CHN2: variants seen among roughly 807,000 people sequenced by gnomAD.
CHN2 encodes beta-chimaerin.
In CHN2, 35 loss-of-function variants were observed where a neutral mutation model predicts 56.3. The observed-to-expected ratio is 0.62, with a 90% CI of 0.47 to 0.82. The LOEUF (loss-of-function observed/expected upper bound fraction) is 0.82. Ranked by LOEUF, CHN2 falls within the 40% of genes least tolerant of loss-of-function variation. The pLI, the probability that CHN2 is intolerant of heterozygous loss-of-function variation, is 0.00. For synonymous variants in CHN2, 210 were observed against 212.8 expected (o/e 0.99, Z 0.12); for missense variants, 491 against 580.5 (o/e 0.85, Z 1.58).
At chr7:29,204,063 CTCTCTGTGTGTGTG>C (rs1784346251) in intron 1 of CHN2, among the ~76,000 whole-genome samples, 2 of 108,830 alleles carry the variant, frequency 1.8e-5, no homozygotes, top group African/African-American at 8.6e-5. Flanking sequence ...GTTTTTCTCT[CTCTCTGTGTGTGTG>C]TGTGTGTGTG....
At chr7:29,345,454 C>T (rs941008105) in intron 1 of CHN2, among the ~76,000 whole-genome samples, 10 of 152,088 alleles carry the variant, frequency 6.6e-5, no homozygotes, top group African/African-American at 1.4e-4. Context: ...AGAGCATTTA[C>T]GCTGAGATCC....
chr7:29,507,215 G>C lies in CHN2; in HGVS notation c.992-13G>C. The C allele has an allele frequency of 6.3e-7, 1 of 1,595,406 alleles. No homozygotes were observed. The highest frequency in any genetic ancestry group is 8.5e-7 in the Non-Finnish European group (1 of 1,173,790). On this transcript the variant is annotated splice_polypyrimidine_tract_variant and intron_variant, in intron 10 of 12. Transcript: ENST00000222792. ...GGTCCTAATTAGGACTTGGATCACT[G>C]ATTGTTTTTCAGATGGTGAAAAGGC...
intron 1 of CHN2, among the ~76,000 whole-genome samples, chr7:29,212,108 A>T (rs1164075658): frequency 1.3e-5 from 2 of 152,180 alleles, no homozygotes; most frequent in Non-Finnish European, 2.9e-5. Flanking sequence ...CTTTTTTAAA[A>T]AAAGAATGCT....
chr7:29,418,328 G>T (rs748672742), intron 6 of CHN2, among the ~76,000 whole-genome samples: 1 of 152,254 alleles, frequency 6.6e-6, no homozygotes, highest in Non-Finnish European at 1.5e-5. Flanking sequence ...GAAGCGCGGG[G>T]AGGAGGCATG....
At chr7:29,440,938 T>C (rs1322871309) in intron 6 of CHN2, among the ~76,000 whole-genome samples, 1 of 152,202 alleles carries the variant, frequency 6.6e-6, no homozygotes, top group Non-Finnish European at 1.5e-5. Context: ...TGACAAATTA[T>C]AGTTGTATAT....
At chr7:29,470,504 T>C (rs1785932330) in intron 6 of CHN2, among the ~76,000 whole-genome samples, 1 of 152,356 alleles carries the variant, frequency 6.6e-6, no homozygotes, top group African/African-American at 2.4e-5. Flanking sequence ...CATAGGTATC[T>C]TGGTTGTTTT....
chr7:29,331,202 G>T (rs1383927979), intron 1 of CHN2, among the ~76,000 whole-genome samples: 1 of 152,216 alleles, frequency 6.6e-6, no homozygotes, highest in Non-Finnish European at 1.5e-5. Context: ...AAGGCCCTGT[G>T]GGGACAGAAG....
chr7:29,195,649 T>TGTGAGAGA (rs1554358914), intron 1 of CHN2, among the ~76,000 whole-genome samples: 1 of 130,642 alleles, frequency 7.7e-6, no homozygotes, highest in East Asian at 2.3e-4. Flanking sequence ...TGTGTGTGTG[T>TGTGAGAGA]GAGAGAGAGA....
At chr7:29,376,347 C>T (rs921355848) in intron 3 of CHN2, 2 of 152,146 alleles carry the variant, frequency 1.3e-5, no homozygotes, top group Admixed American at 1.3e-4. Context: ...GGAAATGAGA[C>T]AGGAAGCACA....
chr7:29,343,520 A>G (rs550859376), intron 1 of CHN2, among the ~76,000 whole-genome samples: 146 of 152,006 alleles, frequency 9.6e-4, no homozygotes, highest in African/African-American at 3.4e-3. Flanking sequence ...CCCATACCCC[A>G]TTGCAAGGTC....
chr7:29,299,667 A>T (rs148297416), intron 1 of CHN2, among the ~76,000 whole-genome samples: 1 of 152,224 alleles, frequency 6.6e-6, no homozygotes, highest in East Asian at 1.9e-4. Context: ...CAAAACTCTA[A>T]CTTATAAGAG....
At chr7:29,401,201 G>A (rs1802179297) in intron 6 of CHN2, 1 of 201,630 alleles carries the variant, frequency 5.0e-6, no homozygotes, top group South Asian at 9.7e-5. Flanking sequence ...CCAGGACGGG[G>A]AGCTTGCAGT....
chr7:29,479,712 G>C, intron 6 of CHN2: 2 of 1,082,412 alleles, frequency 1.8e-6, no homozygotes, highest in Non-Finnish European at 2.3e-6. Flanking sequence ...GTGTGCGCTG[G>C]TGTGTTTGAG....
chr7:29,256,368 C>T (rs1051248882), intron 1 of CHN2, among the ~76,000 whole-genome samples: 5 of 152,182 alleles, frequency 3.3e-5, no homozygotes, highest in African/African-American at 9.7e-5. Context: ...TAATGTTTAT[C>T]GATTTCAAGT....
At chr7:29,291,214 C>T (rs1460879796) in intron 1 of CHN2, among the ~76,000 whole-genome samples, 2 of 152,192 alleles carry the variant, frequency 1.3e-5, no homozygotes, top group Non-Finnish European at 2.9e-5. Context: ...TGGGCCCACT[C>T]ACCCAACTTC....
intron 1 of CHN2, chr7:29,213,111 G>A: frequency 1.1e-5 from 17 of 1,593,314 alleles, no homozygotes; most frequent in Non-Finnish European, 1.4e-5. Context: ...AAGCTGCAGG[G>A]GAAGGCCTTA....
At chr7:29,495,498 C>T (rs1789169848) in intron 7 of CHN2, among the ~76,000 whole-genome samples, 2 of 152,204 alleles carry the variant, frequency 1.3e-5, no homozygotes, top group African/African-American at 4.8e-5. Flanking sequence ...GACTTGGAAC[C>T]TTTTAATTAT....
At chr7:29,244,955 A>G (rs780637583) in intron 1 of CHN2, among the ~76,000 whole-genome samples, 4 of 152,006 alleles carry the variant, frequency 2.6e-5, no homozygotes, top group Non-Finnish European at 4.4e-5. Context: ...GTGACCTTAC[A>G]CTACTTTTTG....
chr7:29,410,116 T>G lies in CHN2; in HGVS notation c.576+9288T>G, dbSNP rs896698034. Among the ~76,000 whole-genome samples, 3 of 152,220 alleles carry G rather than the reference T, an allele frequency of 2.0e-5. No individual in the cohort carries two copies. The East Asian group carries it at 5.8e-4, about 29-fold the overall frequency. On this transcript the variant is annotated intron_variant, in intron 6 of 12. Transcript: ENST00000222792. ...TTAATTTTAGGGATCCCTCTGGGGT[T>G]GTTGAATGTTTTTAATTTCATCGAG...
Sources: allele counts gnomAD v4.1 joint callset (sites outside exome capture counted in the v4.1 genomes callset), GRCh38; gene constraint gnomAD v4.1.1; transcripts MANE v1.5; gene names NCBI Gene and HGNC (gene_info 2026-07-23, HGNC 2026-07-21).